The following COL23A1 variants were observed in gnomAD, a reference collection of about 807,000 sequenced individuals.
COL23A1 encodes the protein collagen type XXIII alpha 1 chain.
A neutral mutation model predicts 99.3 loss-of-function variants in COL23A1; 97 were observed. The observed-to-expected ratio is 0.98, with a 90% CI of 0.83 to 1.16. The LOEUF is 1.16. COL23A1 is among the 50% of genes most tolerant of loss of function. COL23A1 has a pLI of 0.00. For synonymous variants in COL23A1, 320 were observed against 308.2 expected (o/e 1.04, Z -0.40); for missense variants, 762 against 757.4 (o/e 1.01, Z -0.07).
rs557161658 is a variant in COL23A1 at position 178,365,618 on chromosome 5, C to T, written c.362-58699G>A. On this transcript the variant is annotated intron_variant, in intron 2 of 28. Coordinates refer to ENST00000390654, the MANE Select transcript of COL23A1 (RefSeq NM_173465.4). The surrounding 1 kb of genome is among the most constrained non-coding windows in gnomAD (Gnocchi z 5.2). ...TACCACATGCCCCAGCCTCACCCCA[C>T]GGCCCGCCCAGCACCCGCCAGGCAT... Among the ~76,000 whole-genome samples, 21 of 152,320 alleles carry T rather than the reference C, an allele frequency of 1.4e-4. No homozygotes were observed. Among genetic ancestry groups the T allele is most frequent in the East Asian group, 5.8e-4 (3 of 5,182 alleles).
intron 2 of COL23A1, among the ~76,000 whole-genome samples, chr5:178,555,121 C>T (rs955667694): frequency 2.0e-5 from 3 of 152,186 alleles, no homozygotes; most frequent in African/African-American, 4.8e-5. Flanking sequence ...GTCTTCTCCA[C>T]GTGTCTTCAC....
At chr5:178,267,956 C>G (rs1755997002) in intron 7 of COL23A1, among the ~76,000 whole-genome samples, 1 of 152,146 alleles carries the variant, frequency 6.6e-6, no homozygotes, top group African/African-American at 2.4e-5. Context: ...GGCAACTTGG[C>G]CAAGGTCACA....
At chr5:178,326,872 A>G (rs1423088566) in intron 2 of COL23A1, among the ~76,000 whole-genome samples, 2 of 152,214 alleles carry the variant, frequency 1.3e-5, no homozygotes, top group Non-Finnish European at 2.9e-5. Context: ...GGCGCCTGCC[A>G]CCACGCCTGG....
Position 178,337,246 on chromosome 5 carries a change from C to T in COL23A1, c.362-30327G>A, listed in dbSNP as rs73807612. Among the ~76,000 whole-genome samples the T allele has an allele frequency of 5.4e-3, 824 of 152,336 alleles. 7 individuals are homozygous for T. Among genetic ancestry groups the T allele is most frequent in the African/African-American group, 0.019 (791 of 41,576 alleles). On this transcript the variant is annotated intron_variant, in intron 2 of 28. Transcript: ENST00000390654. ...GTGCACTTGCTGGAGCGCAGAGACC[C>T]GCGTGTGAGGGCGAGGAGAGCATGC...
intron 2 of COL23A1, among the ~76,000 whole-genome samples, chr5:178,373,570 TC>T (rs1318763519): frequency 1.3e-5 from 2 of 152,044 alleles, no homozygotes; most frequent in Non-Finnish European, 2.9e-5. Flanking sequence ...GCTCCTGCCA[TC>T]AGCCCAGCTA....
intron 2 of COL23A1, among the ~76,000 whole-genome samples, chr5:178,326,776 G>A (rs549636200): frequency 5.3e-5 from 8 of 152,332 alleles, no homozygotes; most frequent in South Asian, 2.1e-4. Context: ...CTGGAGTGCA[G>A]TGGCGCGATT....
chr5:178,448,548 G>T (rs1182297673), intron 2 of COL23A1, among the ~76,000 whole-genome samples: 1 of 152,210 alleles, frequency 6.6e-6, no homozygotes, highest in Admixed American at 6.5e-5. Flanking sequence ...CAAGATCGAG[G>T]ACCTAGCATC....
At chr5:178,433,424 C>T (rs896397190) in intron 2 of COL23A1, among the ~76,000 whole-genome samples, 3 of 152,146 alleles carry the variant, frequency 2.0e-5, no homozygotes, top group Non-Finnish European at 2.9e-5. Flanking sequence ...GGGGTGGGGT[C>T]GCCACCCTCC....
intron 2 of COL23A1, 50 bp downstream of exon 2, chr5:178,560,632 C>T: frequency 6.4e-7 from 1 of 1,558,738 alleles, no homozygotes; most frequent in South Asian, 1.2e-5. Context: ...CAATCCCAAG[C>T]AAACGGCGGC....
intron 2 of COL23A1, among the ~76,000 whole-genome samples, chr5:178,320,356 G>A (rs755217175): frequency 6.6e-6 from 1 of 152,156 alleles, no homozygotes; most frequent in Non-Finnish European, 1.5e-5. Context: ...ACCTGAATCG[G>A]GAAGAAGTGG....
intron 2 of COL23A1, among the ~76,000 whole-genome samples, chr5:178,463,195 C>T (rs1285635357): frequency 6.6e-6 from 1 of 152,236 alleles, no homozygotes; most frequent in Non-Finnish European, 1.5e-5. Flanking sequence ...TACCCTTAAG[C>T]TACAAGCACC....
chr5:178,353,087 G>A (rs1398885393), intron 2 of COL23A1, among the ~76,000 whole-genome samples: 1 of 152,100 alleles, frequency 6.6e-6, no homozygotes, highest in African/African-American at 2.4e-5. Context: ...ATGCACAAAA[G>A]CATGATGTAT....
chr5:178,490,070 C>A (rs1757845651), intron 2 of COL23A1, among the ~76,000 whole-genome samples: 1 of 151,810 alleles, frequency 6.6e-6, no homozygotes, highest in South Asian at 2.1e-4. Context: ...CCTGTCTCTA[C>A]TAAAAATACA....
In COL23A1 at chr5:178,365,138, T is replaced by TGC. The variant is rs528001449; in HGVS notation, c.362-58220_362-58219insGC. Among the ~76,000 whole-genome samples the TGC allele has an allele frequency of 2.5e-3, 78 of 30,726 alleles. No homozygotes were observed. The highest frequency in any genetic ancestry group is 8.8e-3 in the African/African-American group (75 of 8,550). The allele number at this position is 30,726 out of a possible 152,430, so 20.2% of individuals were successfully genotyped here. The stretch of plus-strand genomic sequence containing the variant: ...GCTTTATGATGTTGCTGTGTGTGCG[T>TGC]GTGTGTGTGTGTGTGTGTGTGTGTG... On this transcript the variant is annotated intron_variant, in intron 2 of 28. Transcript: ENST00000390654. The surrounding 1 kb of genome is among the most constrained non-coding windows in gnomAD (Gnocchi z 5.2).
At chr5:178,295,367 G>C (rs575595881) in intron 3 of COL23A1, among the ~76,000 whole-genome samples, 1 of 152,300 alleles carries the variant, frequency 6.6e-6, no homozygotes, top group Admixed American at 6.5e-5. Context: ...GAAATATCTG[G>C]ATTATGAACG....
chr5:178,478,046 C>A (rs981262490), intron 2 of COL23A1, among the ~76,000 whole-genome samples: 4 of 152,178 alleles, frequency 2.6e-5, no homozygotes, highest in Admixed American at 1.3e-4. Flanking sequence ...ATTCTAGCCT[C>A]GGAGAGAACA....
chr5:178,373,605 G>A (rs899060049), intron 2 of COL23A1, among the ~76,000 whole-genome samples: 6 of 151,986 alleles, frequency 3.9e-5, no homozygotes, highest in East Asian at 3.9e-4. Context: ...TAGTAGAGAC[G>A]GGATTTCACC....
At chr5:178,553,291 C>G (rs1251923994) in intron 2 of COL23A1, among the ~76,000 whole-genome samples, 1 of 152,172 alleles carries the variant, frequency 6.6e-6, no homozygotes, top group Admixed American at 6.5e-5. Flanking sequence ...ACTTCTGTTC[C>G]GCTCTGTGAC....
intron 26 of COL23A1, 42 bp from the exon 27 acceptor site, chr5:178,242,170 G>C (rs1234906780): frequency 6.6e-7 from 1 of 1,524,810 alleles, no homozygotes; most frequent in East Asian, 2.4e-5. Context: ...ATGGCTGCCA[G>C]GCTTAGGAAC....
Sources: gnomAD v4.1 joint callset for allele counts (sites outside exome capture counted in the v4.1 genomes callset) on GRCh38, gnomAD v4.1.1 for gene constraint, Gnocchi (gnomAD v3.1) non-coding constraint, MANE v1.5 for transcripts, NCBI Gene and HGNC (gene_info 2026-07-23, HGNC 2026-07-21) for gene names.